ERG: variants seen among roughly 807,000 people sequenced by gnomAD.
The protein encoded by ERG is transcriptional regulator ERG.
A neutral mutation model predicts 55.3 loss-of-function variants in ERG; 9 were observed. That is an observed-to-expected ratio of 0.16 (90% confidence interval 0.10 to 0.28). The LOEUF (loss-of-function observed/expected upper bound fraction) is 0.28, where lower values mean the gene tolerates loss of function less well. ERG is among the 10% of genes least tolerant of loss of function. The pLI is 1.00. For synonymous variants in ERG, 223 were observed against 237.3 expected (o/e 0.94, Z 0.55); for missense variants, 434 against 631.6 (o/e 0.69, Z 3.35).
At chr21:38,608,270 C>G (rs1034080648) in intron 1 of ERG, among the ~76,000 whole-genome samples, 4 of 151,710 alleles carry the variant, frequency 2.6e-5, no homozygotes, top group Non-Finnish European at 4.4e-5. Context: ...TATAACATAC[C>G]AAAAAAGAAG....
chr21:38,474,482 GC>G (rs2059169320), intron 1 of ERG, among the ~76,000 whole-genome samples: 1 of 152,210 alleles, frequency 6.6e-6, no homozygotes, highest in Non-Finnish European at 1.5e-5. Flanking sequence ...AGTCTCAGAA[GC>G]CAGCAGAGGT....
chr21:38,618,619 T>C (rs73908326), intron 1 of ERG, among the ~76,000 whole-genome samples: 7,377 of 152,234 alleles, frequency 0.048, 577 homozygotes, highest in African/African-American at 0.17. Flanking sequence ...GAGAATAGGA[T>C]TCTTCTAGAG....
At chr21:38,440,321 C>T (rs904477582) in intron 2 of ERG, among the ~76,000 whole-genome samples, 2 of 152,218 alleles carry the variant, frequency 1.3e-5, no homozygotes, top group African/African-American at 4.8e-5. Context: ...GGGGCTCCTC[C>T]AGAGGCAGGC....
upstream of ERG, among the ~76,000 whole-genome samples, chr21:38,503,374 T>G (rs1212124707): frequency 1.3e-5 from 2 of 151,782 alleles, no homozygotes; most frequent in Non-Finnish European, 2.9e-5. Context: ...AGCTCTTTTT[T>G]TTTTTCATTT....
At chr21:38,436,765 A>G (rs1255379399) in intron 2 of ERG, among the ~76,000 whole-genome samples, 2 of 152,130 alleles carry the variant, frequency 1.3e-5, no homozygotes, top group African/African-American at 4.8e-5. Flanking sequence ...GGTAGAGTTG[A>G]TGGTACCCTC....
chr21:38,453,495 T>C lies in ERG; in HGVS notation c.19-7874A>G, dbSNP rs923918167. ...ACCTCGAATGCATTTGAAAGGACAA[T>C]GAACTGGGACTCTTTGCCCTGGCAA... On this transcript the variant is annotated intron_variant, in intron 1 of 9. Transcript: ENST00000288319. Among the ~76,000 whole-genome samples the C allele has an allele frequency of 1.2e-4, 19 of 152,238 alleles. 1 individual carries two copies. Among genetic ancestry groups the C allele is most frequent in the Admixed American group, 1.2e-3 (19 of 15,282 alleles).
At chr21:38,429,287 C>A (rs1423932394) in intron 2 of ERG, among the ~76,000 whole-genome samples, 1 of 150,548 alleles carries the variant, frequency 6.6e-6, no homozygotes, top group African/African-American at 2.5e-5. Flanking sequence ...TACACATATA[C>A]CCACACATAT....
intron 3 of ERG, among the ~76,000 whole-genome samples, chr21:38,423,083 T>TTGTGTGTG (rs1989618312): frequency 2.2e-5 from 2 of 90,704 alleles, no homozygotes; most frequent in Admixed American, 1.1e-4. Flanking sequence ...TCTCCATACG[T>TTGTGTGTG]AGTGTGTGTG....
intron 1 of ERG, among the ~76,000 whole-genome samples, chr21:38,482,937 C>T (rs1159985930): frequency 6.6e-6 from 1 of 152,218 alleles, no homozygotes. Flanking sequence ...CGTGGCCTCA[C>T]AAAGTGTTGG....
chr21:38,556,278 C>T (rs143727417), intron 2 of ERG, among the ~76,000 whole-genome samples: 66 of 151,974 alleles, frequency 4.3e-4, no homozygotes, highest in South Asian at 8.3e-4. Flanking sequence ...GGAAATATAA[C>T]GATTAAAATG....
chr21:38,386,701 G>C (rs190535729), intron 9 of ERG, among the ~76,000 whole-genome samples: 3 of 152,252 alleles, frequency 2.0e-5, no homozygotes, highest in East Asian at 3.9e-4. Context: ...TTTACAAAGA[G>C]AAGTTCTTGA....
chr21:38,660,929 C>A (rs1335819099), intron 1 of ERG, among the ~76,000 whole-genome samples: 2 of 152,056 alleles, frequency 1.3e-5, no homozygotes, highest in Non-Finnish European at 2.9e-5. Flanking sequence ...GAGCGCGGGC[C>A]GCGCGGGCAG....
the ERG span, among the ~76,000 whole-genome samples, chr21:38,368,163 C>T: frequency 6.6e-6 from 1 of 152,170 alleles, no homozygotes; most frequent in Non-Finnish European, 1.5e-5. Flanking sequence ...CCTTCTTAAC[C>T]CCATCCCTCT....
At chr21:38,550,011 C>G (rs1017976127) in intron 2 of ERG, among the ~76,000 whole-genome samples, 3 of 152,210 alleles carry the variant, frequency 2.0e-5, no homozygotes, top group Non-Finnish European at 4.4e-5. Flanking sequence ...TACATTCTTC[C>G]TGCATCCCCT....
At chr21:38,551,248 C>T (rs1278584019) in intron 2 of ERG, among the ~76,000 whole-genome samples, 2 of 151,384 alleles carry the variant, frequency 1.3e-5, no homozygotes, top group Non-Finnish European at 2.9e-5. Flanking sequence ...TTTTCTTTAT[C>T]AGTCTAGCTA....
chr21:38,586,569 T>C (rs935533768), upstream of ERG, among the ~76,000 whole-genome samples: 7 of 151,998 alleles, frequency 4.6e-5, no homozygotes, highest in Non-Finnish European at 4.4e-5. Flanking sequence ...AAAAGACAAG[T>C]GTTGGTGGGG....
At chr21:38,400,693 T>A (rs184735991) in intron 5 of ERG, 48 bp from the exon 6 acceptor site, 2 of 1,447,530 alleles carry the variant, frequency 1.4e-6, no homozygotes, top group African/African-American at 2.8e-5. Flanking sequence ...TTGTTGTGGT[T>A]GTCGATCTCA....
At chr21:38,453,359 A>G (rs1374804961) in intron 1 of ERG, among the ~76,000 whole-genome samples, 1 of 152,252 alleles carries the variant, frequency 6.6e-6, no homozygotes, top group East Asian at 1.9e-4. Flanking sequence ...TAAAGAAAGA[A>G]TAGTTATGTC....
At chr21:38,473,329 T>TTC (rs1398061653) in intron 1 of ERG, among the ~76,000 whole-genome samples, 3 of 152,082 alleles carry the variant, frequency 2.0e-5, no homozygotes, top group Non-Finnish European at 2.9e-5. Context: ...CTTTAGTGAA[T>TTC]TCTTTCCTTT....
Sources: allele counts gnomAD v4.1 joint callset (sites outside exome capture counted in the v4.1 genomes callset), GRCh38; gene constraint gnomAD v4.1.1; transcripts MANE v1.5; gene names NCBI Gene and HGNC (gene_info 2026-07-23, HGNC 2026-07-21).